Variants in FTO observed in about 807,000 individuals in gnomAD.
The protein encoded by FTO is alpha-ketoglutarate-dependent dioxygenase FTO.
A neutral mutation model predicts 63.9 loss-of-function variants in FTO; 47 were observed. The observed-to-expected ratio is 0.74, with a 90% CI of 0.58 to 0.94. FTO has a LOEUF of 0.94. FTO is among the 40% of genes least tolerant of loss of function. The probability of loss-of-function intolerance (pLI) is 0.00; values close to 1 mark genes in which losing one functional copy is unlikely to be tolerated. For missense variants in FTO, 562 were observed against 618.1 expected (o/e 0.91, Z 0.96); for synonymous variants, 207 against 224.4 (o/e 0.92, Z 0.69).
At chr16:53,945,573 G>A (rs1261755225) in intron 8 of FTO, among the ~76,000 whole-genome samples, 5 of 152,088 alleles carry the variant, frequency 3.3e-5, no homozygotes, top group Non-Finnish European at 7.4e-5. Flanking sequence ...ATTTCCTCTG[G>A]TACCTAACAT....
intron 2 of FTO, 29 bp from the exon 3 acceptor site, chr16:53,825,835 C>T (rs745528083): frequency 2.7e-5 from 44 of 1,608,420 alleles, no homozygotes; most frequent in East Asian, 1.1e-4. Flanking sequence ...TATATATCAA[C>T]GTCTGTTTTT....
At chr16:53,733,905 A>C (rs1428003296) in intron 1 of FTO, among the ~76,000 whole-genome samples, 2 of 152,198 alleles carry the variant, frequency 1.3e-5, no homozygotes, top group African/African-American at 4.8e-5. Flanking sequence ...ACTGGAAGGA[A>C]GATATAAAAC....
At chr16:53,873,505 A>G (rs2080560517) in intron 4 of FTO, among the ~76,000 whole-genome samples, 1 of 149,360 alleles carries the variant, frequency 6.7e-6, no homozygotes, top group Non-Finnish European at 1.5e-5. Context: ...TAAGTATATC[A>G]TATTTATTGT....
Position 53,879,270 on chromosome 16 carries a change from A to G in FTO, c.976-574A>G, listed in dbSNP as rs116296545. ...GTTAGCCTCCGGGACCCAAATGTTT[A>G]GTTAGAGATATGAGGCCCACGTAAA... is the stretch of plus-strand genomic sequence containing the variant. On this transcript the variant is annotated intron_variant, in intron 5 of 8. Transcript: ENST00000471389. 7.0e-3 allele frequency among the ~76,000 whole-genome samples: 1,070 copies of G among 152,294 alleles called. 14 individuals carry two copies. Among genetic ancestry groups the G allele is most frequent in the African/African-American group, 0.025 (1,026 of 41,554 alleles).
intron 8 of FTO, among the ~76,000 whole-genome samples, chr16:54,013,885 G>C (rs2084380447): frequency 6.6e-6 from 1 of 152,082 alleles, no homozygotes; most frequent in Non-Finnish European, 1.5e-5. Flanking sequence ...TTATTGTGGT[G>C]GTCTGGAACT....
intron 8 of FTO, among the ~76,000 whole-genome samples, chr16:54,068,159 G>A (rs190672421): frequency 2.6e-5 from 4 of 152,146 alleles, no homozygotes; most frequent in East Asian, 1.9e-4. Context: ...GCTTCCCCAC[G>A]GTCCTCTGGG....
intron 1 of FTO, among the ~76,000 whole-genome samples, chr16:53,778,106 GC>G (rs1780072130): frequency 6.6e-6 from 1 of 152,126 alleles, no homozygotes; most frequent in Non-Finnish European, 1.5e-5. Flanking sequence ...CCAAGGACAT[GC>G]TTAAGTGAAA....
chr16:53,714,283 C>A (rs1044853189), intron 1 of FTO, among the ~76,000 whole-genome samples: 1 of 152,200 alleles, frequency 6.6e-6, no homozygotes, highest in Non-Finnish European at 1.5e-5. Context: ...GTGATTGGAT[C>A]ATTCAAGGCT....
intron 8 of FTO, among the ~76,000 whole-genome samples, chr16:54,093,354 G>T (rs1412467229): frequency 1.3e-5 from 2 of 152,240 alleles, no homozygotes; most frequent in African/African-American, 2.4e-5. Context: ...AAAGTATTCT[G>T]TGCCAACTCC....
rs760195364 is a variant in FTO, at chr16:53,704,169, C to A, written c.-16C>A. On this transcript the variant is annotated 5_prime_UTR_variant, in exon 1 of 9. Coordinates refer to ENST00000471389, the MANE Select transcript of FTO (RefSeq NM_001080432.3). ...TCTACGCAGCTTGCGGTGGCGAAGG[C>A]GGCTTTAGTGGCAGCATGAAGCGCA... 102 of 1,551,420 alleles carry A rather than the reference C, an allele frequency of 6.6e-5. No individual in the cohort carries two copies. The highest frequency in any genetic ancestry group is 8.5e-5 in the Non-Finnish European group (97 of 1,146,870).
chr16:53,911,818 G>C (rs1444286880), intron 7 of FTO, among the ~76,000 whole-genome samples: 1 of 152,222 alleles, frequency 6.6e-6, no homozygotes, highest in Non-Finnish European at 1.5e-5. Context: ...CTCTAAAATT[G>C]CACTGGGCTC....
intron 7 of FTO, among the ~76,000 whole-genome samples, chr16:53,932,914 G>A (rs16952660): frequency 1.3e-5 from 2 of 152,056 alleles, no homozygotes; most frequent in Non-Finnish European, 2.9e-5. Context: ...AATCAATTTG[G>A]TCTGGCCCAC....
intron 8 of FTO, among the ~76,000 whole-genome samples, chr16:53,989,638 A>G (rs1433635024): frequency 6.6e-6 from 1 of 152,156 alleles, no homozygotes; most frequent in Non-Finnish European, 1.5e-5. Flanking sequence ...TTTAGACTCT[A>G]GTCTCCTCAT....
chr16:53,874,509 G>A (rs2080591942), intron 5 of FTO, among the ~76,000 whole-genome samples: 1 of 152,174 alleles, frequency 6.6e-6, no homozygotes, highest in African/African-American at 2.4e-5. Flanking sequence ...GTTCCAGAGA[G>A]CAAGGCATGA....
intron 8 of FTO, among the ~76,000 whole-genome samples, chr16:54,080,577 T>C (rs1189276211): frequency 6.6e-6 from 1 of 152,202 alleles, no homozygotes; most frequent in African/African-American, 2.4e-5. Context: ...CTCTGTTAGC[T>C]AAACTGAGGA....
intron 6 of FTO, among the ~76,000 whole-genome samples, chr16:53,888,590 G>T (rs963854676): frequency 1.3e-5 from 2 of 152,040 alleles, no homozygotes; most frequent in African/African-American, 4.8e-5. Context: ...AATCTATTAG[G>T]ATTATAGGCA....
chr16:53,888,520 A>G (rs997805285), intron 6 of FTO, among the ~76,000 whole-genome samples: 4 of 126,448 alleles, frequency 3.2e-5, no homozygotes, highest in Non-Finnish European at 7.0e-5. Flanking sequence ...GCATCTTGCA[A>G]TGTTGCCCAG....
At chr16:53,770,197 T>C (rs2077302218) in intron 1 of FTO, among the ~76,000 whole-genome samples, 1 of 152,214 alleles carries the variant, frequency 6.6e-6, no homozygotes, top group African/African-American at 2.4e-5. Context: ...TATATCAGCT[T>C]CCAAAGTTGT....
At chr16:53,783,723 G>A (rs558573586) in intron 1 of FTO, among the ~76,000 whole-genome samples, 6 of 152,014 alleles carry the variant, frequency 3.9e-5, no homozygotes, top group African/African-American at 1.4e-4. Context: ...GAAAGGTGGA[G>A]GTTGCAGTGA....
Sources: allele counts gnomAD v4.1 joint callset (sites outside exome capture counted in the v4.1 genomes callset), GRCh38; gene constraint gnomAD v4.1.1; transcripts MANE v1.5; gene names NCBI Gene and HGNC (gene_info 2026-07-23, HGNC 2026-07-21).